The following HYCC2 variants were observed in gnomAD, a reference collection of about 807,000 sequenced individuals.
HYCC2 encodes hyccin PI4KA lipid kinase complex subunit 2.
chr2:201,021,992 A>C, the HYCC2 span: 1 of 962,042 alleles, frequency 1.0e-6, no homozygotes, highest in Non-Finnish European at 1.4e-6. Flanking sequence ...TCAATAAGCA[A>C]GCTTTTAGTG....
chr2:201,033,734 T>C, the HYCC2 span, among the ~76,000 whole-genome samples: 1 of 151,620 alleles, frequency 6.6e-6, no homozygotes. Context: ...AGAGAGCGGG[T>C]TTTCCTATGT....
At chr2:201,025,387 A>C in the HYCC2 span, among the ~76,000 whole-genome samples, 2 of 152,208 alleles carry the variant, frequency 1.3e-5, no homozygotes, top group African/African-American at 4.8e-5. Flanking sequence ...ACTTTAATGA[A>C]CCACTTATAT....
chr2:201,045,347 T>A, the HYCC2 span: 3 of 390,450 alleles, frequency 7.7e-6, no homozygotes, highest in Admixed American at 1.3e-4. Context: ...AAAATAGAAT[T>A]CAAAGGCAAT....
the HYCC2 span, chr2:201,052,170 C>T: frequency 6.6e-6 from 1 of 152,336 alleles, no homozygotes; most frequent in African/African-American, 2.4e-5. Context: ...CAGTGGTACG[C>T]ACCTGTAGTG....
chr2:200,975,287 T>C, the HYCC2 span: 1 of 152,040 alleles, frequency 6.6e-6, no homozygotes, highest in Admixed American at 6.5e-5. Context: ...AAATTATATT[T>C]GGTAGATACA....
the HYCC2 span, among the ~76,000 whole-genome samples, chr2:200,989,208 G>A: frequency 5.1e-4 from 78 of 152,256 alleles, no homozygotes; most frequent in Non-Finnish European, 7.9e-4. Flanking sequence ...AGAGACCACT[G>A]ACAATAAAAG....
the HYCC2 span, among the ~76,000 whole-genome samples, chr2:201,049,415 T>C: frequency 6.6e-6 from 1 of 151,972 alleles, no homozygotes; most frequent in Non-Finnish European, 1.5e-5. Context: ...ACTGGCGCGA[T>C]CTTGGCTCAC....
chr2:201,015,233 T>C, the HYCC2 span, among the ~76,000 whole-genome samples: 416 of 152,270 alleles, frequency 2.7e-3, no homozygotes, highest in Non-Finnish European at 4.8e-3. Flanking sequence ...ACACAGATGA[T>C]CCCATGTTCC....
At chr2:201,059,763 T>A in the HYCC2 span, among the ~76,000 whole-genome samples, 2 of 152,102 alleles carry the variant, frequency 1.3e-5, no homozygotes, top group Non-Finnish European at 2.9e-5. Context: ...GCCCTCTTAT[T>A]GACTGGGTGC....
the HYCC2 span, among the ~76,000 whole-genome samples, chr2:201,070,194 T>C: frequency 6.6e-6 from 1 of 152,178 alleles, no homozygotes; most frequent in East Asian, 1.9e-4. Flanking sequence ...CATTTTATTG[T>C]GGAAACAATG....
At chr2:201,052,570 T>C in the HYCC2 span, among the ~76,000 whole-genome samples, 1 of 152,076 alleles carries the variant, frequency 6.6e-6, no homozygotes, top group Admixed American at 6.6e-5. Flanking sequence ...ACTGTGCCAC[T>C]GCACTGCAGC....
chr2:201,050,972 A>G, the HYCC2 span, among the ~76,000 whole-genome samples: 3 of 152,170 alleles, frequency 2.0e-5, no homozygotes, highest in Admixed American at 1.3e-4. Flanking sequence ...CAGTATAGCT[A>G]TAACAAAAAT....
the HYCC2 span, among the ~76,000 whole-genome samples, chr2:201,025,168 C>T: frequency 6.6e-6 from 1 of 151,992 alleles, no homozygotes; most frequent in Non-Finnish European, 1.5e-5. Context: ...AAAAAGCAAG[C>T]TGTAGGATGT....
chr2:201,026,125 C>A, the HYCC2 span, among the ~76,000 whole-genome samples: 2 of 151,910 alleles, frequency 1.3e-5, no homozygotes, highest in African/African-American at 4.8e-5. Context: ...GGAAGAGCTA[C>A]CAAGCAAATG....
chr2:201,040,781 A>G, the HYCC2 span, among the ~76,000 whole-genome samples: 2 of 152,210 alleles, frequency 1.3e-5, no homozygotes, highest in African/African-American at 4.8e-5. Context: ...CACTGTGCCC[A>G]GCCTCATAAT....
chr2:201,047,915 A>G, the HYCC2 span, among the ~76,000 whole-genome samples: 1 of 149,758 alleles, frequency 6.7e-6, no homozygotes, highest in Non-Finnish European at 1.5e-5. Context: ...AAAAAATCTC[A>G]CCTTCAAGCC....
chr2:201,035,876 C>G, the HYCC2 span, among the ~76,000 whole-genome samples: 3 of 152,098 alleles, frequency 2.0e-5, no homozygotes, highest in Admixed American at 1.3e-4. Context: ...ACTCCAGACC[C>G]TGTTTGCCTG....
chr2:201,010,641 CAATT>C, the HYCC2 span, among the ~76,000 whole-genome samples: 1 of 151,988 alleles, frequency 6.6e-6, no homozygotes, highest in East Asian at 1.9e-4. Context: ...TGAAATACAA[CAATT>C]AGAGTGTCAA....
the HYCC2 span, among the ~76,000 whole-genome samples, chr2:201,069,047 T>C: frequency 5.9e-5 from 9 of 152,230 alleles, no homozygotes; most frequent in Admixed American, 5.2e-4. Context: ...AGTACTGGTA[T>C]GATAACTAGT....
Sources: gnomAD v4.1 joint callset for allele counts (sites outside exome capture counted in the v4.1 genomes callset) on GRCh38, gnomAD v4.1.1 for gene constraint, MANE v1.5 for transcripts, NCBI Gene and HGNC (gene_info 2026-07-23, HGNC 2026-07-21) for gene names.